The following TTC39C variants were observed in gnomAD, a reference collection of about 807,000 sequenced individuals.
The protein encoded by TTC39C is tetratricopeptide repeat domain 39C, also known as tetratricopeptide repeat protein 39C.
Under a neutral mutation model 76.3 loss-of-function variants are expected in TTC39C, and 33 were observed. The ratio of observed to expected loss-of-function variants is 0.43; its 90% CI spans 0.33 to 0.58. TTC39C has a LOEUF of 0.58. Ranked by LOEUF, TTC39C falls within the 20% of genes least tolerant of loss-of-function variation. The pLI, the probability that TTC39C is intolerant of heterozygous loss-of-function variation, is 0.04. For missense variants in TTC39C, 595 were observed against 701.4 expected (o/e 0.85, Z 1.71); for synonymous variants, 254 against 260.6 (o/e 0.97, Z 0.24).
At chr18:24,000,727 C>T (rs2083304929) in intron 1 of TTC39C, among the ~76,000 whole-genome samples, 1 of 152,170 alleles carries the variant, frequency 6.6e-6, no homozygotes, top group African/African-American at 2.4e-5. Context: ...CTCAGAAGCA[C>T]CCAGCACTTG....
At chr18:24,012,617 T>C (rs2083401991), upstream of TTC39C, among the ~76,000 whole-genome samples, 1 of 152,168 alleles carries the variant, frequency 6.6e-6, no homozygotes, top group South Asian at 2.1e-4. Context: ...CTGCAGGCTA[T>C]CTCCTATGTC....
At chr18:24,015,239 C>T (rs1051713432) in intron 1 of TTC39C, 3 of 479,622 alleles carry the variant, frequency 6.3e-6, no homozygotes, top group South Asian at 5.7e-5. Flanking sequence ...CCCCCGGCTC[C>T]GTTGTCCTTT....
chr18:24,002,692 C>A (rs938219015), intron 1 of TTC39C, among the ~76,000 whole-genome samples: 4 of 152,136 alleles, frequency 2.6e-5, no homozygotes, highest in Non-Finnish European at 5.9e-5. Context: ...AACTTGCTCT[C>A]CCTCTGCAGG....
chr18:24,044,871 A>G (rs923098307), intron 1 of TTC39C, among the ~76,000 whole-genome samples: 1 of 152,100 alleles, frequency 6.6e-6, no homozygotes, highest in African/African-American at 2.4e-5. Context: ...AACTTACCTA[A>G]CTTGTTTAGA....
At chr18:24,018,373 C>T (rs558242078) in intron 1 of TTC39C, among the ~76,000 whole-genome samples, 1 of 97,656 alleles carries the variant, frequency 1.0e-5, no homozygotes, top group South Asian at 2.5e-4. Context: ...TAGCAGCAGT[C>T]GCTCCCCCTC....
At chr18:24,091,902 A>T (rs909061217) in intron 6 of TTC39C, among the ~76,000 whole-genome samples, 5 of 151,974 alleles carry the variant, frequency 3.3e-5, no homozygotes, top group African/African-American at 1.2e-4. Flanking sequence ...ATCCTGGCTA[A>T]CATGATGAAA....
rs796354432 is a variant in TTC39C, at chr18:24,087,050, A to G, written c.984+3969A>G. Among the ~76,000 whole-genome samples the G allele has an allele frequency of 1.7e-4, 26 of 152,168 alleles. 1 individual carries two copies. Among genetic ancestry groups the G allele is most frequent in the African/African-American group, 6.0e-4 (25 of 41,508 alleles). On this transcript the variant is annotated intron_variant, in intron 6 of 13. Coordinates refer to ENST00000317571, the MANE Select transcript of TTC39C (RefSeq NM_001135993.2). ...GTATGTACTATACAGCTGTTTACTT[A>G]TCCCTGAATTTCCACAATGCAAACA... is the stretch of plus-strand genomic sequence containing the variant.
At chr18:24,092,948 G>T (rs2084543668) in intron 6 of TTC39C, among the ~76,000 whole-genome samples, 1 of 152,284 alleles carries the variant, frequency 6.6e-6, no homozygotes, top group Non-Finnish European at 1.5e-5. Flanking sequence ...CACAGCTGTA[G>T]TCCCAGCTCT....
At chr18:24,120,803 G>A (rs564645784) in intron 8 of TTC39C, among the ~76,000 whole-genome samples, 2 of 152,098 alleles carry the variant, frequency 1.3e-5, no homozygotes, top group African/African-American at 4.8e-5. Flanking sequence ...GTCCTTTTGT[G>A]TCTGGCTTAT....
intron 6 of TTC39C, among the ~76,000 whole-genome samples, chr18:24,108,762 A>G (rs1398353332): frequency 6.6e-6 from 1 of 152,194 alleles, no homozygotes; most frequent in Admixed American, 6.5e-5. Flanking sequence ...CTCTTGCCAC[A>G]GAACACGCAT....
chr18:24,079,132 G>T (rs2084343892), intron 4 of TTC39C, among the ~76,000 whole-genome samples: 1 of 152,184 alleles, frequency 6.6e-6, no homozygotes, highest in African/African-American at 2.4e-5. Flanking sequence ...TTGTACATGA[G>T]GGTCAGAGTT....
At chr18:23,993,781 T>A (rs1447445547) in intron 1 of TTC39C, among the ~76,000 whole-genome samples, 1 of 152,188 alleles carries the variant, frequency 6.6e-6, no homozygotes, top group Non-Finnish European at 1.5e-5. Flanking sequence ...ATGAAAAAAA[T>A]TATATACTAA....
chr18:23,997,661 A>AGAAAGAAAGAAGGAAG (rs780900575), intron 1 of TTC39C, among the ~76,000 whole-genome samples: 1 of 92,248 alleles, frequency 1.1e-5, no homozygotes, highest in East Asian at 3.2e-4. Context: ...GGAGAAAGAA[A>AGAAAGAAAGAAGGAAG]GAAAGAAAGA....
chr18:24,017,552 C>T (rs1003104143), intron 1 of TTC39C, among the ~76,000 whole-genome samples: 2 of 152,236 alleles, frequency 1.3e-5, no homozygotes, highest in African/African-American at 4.8e-5. Flanking sequence ...GAGTACAAGA[C>T]ACAATGTCCT....
At chr18:24,035,320 G>A (rs1268765470) in intron 1 of TTC39C, among the ~76,000 whole-genome samples, 6 of 152,210 alleles carry the variant, frequency 3.9e-5, no homozygotes, top group Admixed American at 3.9e-4. Context: ...TTACAAATGT[G>A]AGCCACTGTG....
rs751275214 is a variant in TTC39C, at chr18:24,128,956, T to C, written c.1491T>C (p.Cys497=). ...KYLLLGAIHK[C]LGNSEDAVQY... is the part of the protein sequence containing the mutation. ...TGCTTCTTGGTGCCATACACAAATGTCTAGGAAACTCAGAAGATGCTGTTC... is the reference window on the plus strand; with the variant it reads ...TGCTTCTTGGTGCCATACACAAATGCCTAGGAAACTCAGAAGATGCTGTTC... The change falls in exon 11 of 14, where the codon TGT becomes TGC. Residue 497 remains cysteine, a synonymous_variant. Coordinates refer to ENST00000317571, the MANE Select transcript of TTC39C (RefSeq NM_001135993.2). 6.2e-7 allele frequency: 1 copy of C among 1,613,616 alleles called. No individual in the cohort carries two copies. The highest frequency in any genetic ancestry group is 1.7e-5 in the Admixed American group (1 of 59,982).
chr18:24,082,435 T>C (rs1399606241), intron 5 of TTC39C, among the ~76,000 whole-genome samples: 1 of 152,212 alleles, frequency 6.6e-6, no homozygotes, highest in Non-Finnish European at 1.5e-5. Context: ...GTGCATGATA[T>C]TTAAACTTAG....
At chr18:24,041,614 C>G (rs1307982713) in intron 1 of TTC39C, among the ~76,000 whole-genome samples, 1 of 152,152 alleles carries the variant, frequency 6.6e-6, no homozygotes, top group East Asian at 1.9e-4. Flanking sequence ...GACCGCTTTC[C>G]TCTTATCTGT....
At chr18:24,057,755 A>G (rs940124930) in intron 1 of TTC39C, among the ~76,000 whole-genome samples, 1 of 152,188 alleles carries the variant, frequency 6.6e-6, no homozygotes, top group African/African-American at 2.4e-5. Context: ...TTGGGGGAAC[A>G]TAATCATTCA....
Sources: gnomAD v4.1 joint callset for allele counts (sites outside exome capture counted in the v4.1 genomes callset) on GRCh38, gnomAD v4.1.1 for gene constraint, MANE v1.5 for transcripts, NCBI Gene and HGNC (gene_info 2026-07-23, HGNC 2026-07-21) for gene names.